Variants in TXNRD1 observed in about 807,000 individuals in gnomAD.
TXNRD1 encodes thioredoxin reductase 1, cytoplasmic.
Under a neutral mutation model 80.3 loss-of-function variants are expected in TXNRD1, and 57 were observed. That is an observed-to-expected ratio of 0.71 (90% CI 0.57 to 0.89). The LOEUF is 0.89. Among genes scored for constraint, TXNRD1 ranks in the 40% least tolerant of loss-of-function variants. TXNRD1 has a pLI of 0.00. For synonymous variants in TXNRD1, 291 were observed against 285.2 expected (o/e 1.02, Z -0.20); for missense variants, 730 against 803.0 (o/e 0.91, Z 1.10).
intron 13 of TXNRD1, among the ~76,000 whole-genome samples, 179 bp from the exon 14 acceptor site, chr12:104,331,355 A>G (rs920232452): frequency 2.6e-5 from 4 of 152,218 alleles, no homozygotes; most frequent in Admixed American, 2.6e-4. Context: ...AACTTTTCAA[A>G]TAAGTTAATG....
At chr12:104,264,568 A>G (rs1298292842) in intron 3 of TXNRD1, among the ~76,000 whole-genome samples, 3 of 152,112 alleles carry the variant, frequency 2.0e-5, no homozygotes, top group Non-Finnish European at 2.9e-5. Context: ...AAAAAATCAC[A>G]TATAATTGCA....
At chr12:104,249,882 G>GCCGAGAT (rs2033078330) in intron 1 of TXNRD1, among the ~76,000 whole-genome samples, 1 of 143,090 alleles carries the variant, frequency 7.0e-6, no homozygotes, top group Non-Finnish European at 1.5e-5. Flanking sequence ...TTGCAGTGAG[G>GCCGAGAT]CCGAGATCGT....
chr12:104,303,962 G>A (rs1424943086), intron 4 of TXNRD1: 2 of 1,602,340 alleles, frequency 1.2e-6, no homozygotes, highest in East Asian at 2.2e-5. Flanking sequence ...AGTGAGGGCC[G>A]CGGGCTGCTC....
chr12:104,270,785 G>T (rs1218510829), intron 3 of TXNRD1, among the ~76,000 whole-genome samples: 1 of 152,010 alleles, frequency 6.6e-6, no homozygotes, highest in East Asian at 1.9e-4. Context: ...ATTGAATCCT[G>T]TCAAGCAGAG....
At chr12:104,287,173 ACGGCCTGC>A in intron 3 of TXNRD1, 1 of 1,571,026 alleles carries the variant, frequency 6.4e-7, no homozygotes, top group Non-Finnish European at 8.6e-7. Context: ...CACGCGGGGG[ACGGCCTGC>A]CGGCGGGGAC....
At chr12:104,266,676 C>A (rs1005299200) in intron 3 of TXNRD1, among the ~76,000 whole-genome samples, 8 of 150,194 alleles carry the variant, frequency 5.3e-5, no homozygotes, top group Non-Finnish European at 8.9e-5. Context: ...ACTAAAAATA[C>A]AACAGGGCCG....
At chr12:104,309,519 A>G (rs944468556) in intron 4 of TXNRD1, among the ~76,000 whole-genome samples, 1 of 152,200 alleles carries the variant, frequency 6.6e-6, no homozygotes, top group Non-Finnish European at 1.5e-5. Context: ...TTTCATTTAG[A>G]CAGCCAGTTA....
intron 3 of TXNRD1, 194 bp from the exon 4 acceptor site, chr12:104,288,737 G>T: frequency 6.9e-7 from 1 of 1,450,340 alleles, no homozygotes; most frequent in Non-Finnish European, 9.1e-7. Context: ...ATTTGCCGGG[G>T]TCAGACTCCA....
chr12:104,276,296 G>T (rs531095959), intron 3 of TXNRD1, among the ~76,000 whole-genome samples: 1 of 152,320 alleles, frequency 6.6e-6, no homozygotes, highest in African/African-American at 2.4e-5. Flanking sequence ...TTATTCTTCT[G>T]AGGTTGCAGT....
chr12:104,334,893 CTA>C (rs537748696), intron 15 of TXNRD1, among the ~76,000 whole-genome samples: 118 of 152,190 alleles, frequency 7.8e-4, no homozygotes, highest in African/African-American at 2.7e-3. Flanking sequence ...TGAGAACTGT[CTA>C]TGTTTGTGTT....
intron 4 of TXNRD1, chr12:104,305,137 C>T: frequency 1.9e-6 from 1 of 514,108 alleles, no homozygotes; most frequent in Admixed American, 4.0e-5. Flanking sequence ...AATTCACTGG[C>T]ATATTTATGG....
At chr12:104,333,555 A>G (rs1388000730) in intron 14 of TXNRD1, among the ~76,000 whole-genome samples, 1 of 152,186 alleles carries the variant, frequency 6.6e-6, no homozygotes, top group Admixed American at 6.5e-5. Context: ...TTATCACAAC[A>G]TCGAAGAACA....
chr12:104,345,931 C>T (rs891326192), intron 16 of TXNRD1: 7 of 1,285,138 alleles, frequency 5.4e-6, no homozygotes, highest in Admixed American at 2.3e-5. Flanking sequence ...GGAGGCTGCC[C>T]CTTCTGCTCA....
intron 8 of TXNRD1, 83 bp downstream of exon 8, chr12:104,319,138 A>G: frequency 1.4e-6 from 2 of 1,464,690 alleles, no homozygotes; most frequent in South Asian, 1.4e-5. Flanking sequence ...TTAAAGTATT[A>G]TAATAAAAGT....
At chr12:104,273,111 G>C (rs2033687083) in intron 3 of TXNRD1, among the ~76,000 whole-genome samples, 1 of 152,210 alleles carries the variant, frequency 6.6e-6, no homozygotes, top group Admixed American at 6.5e-5. Context: ...TCCTGATCAA[G>C]AGGAATAAGC....
chr12:104,235,606 A>T (rs1000309998), intron 1 of TXNRD1, among the ~76,000 whole-genome samples: 3 of 152,194 alleles, frequency 2.0e-5, no homozygotes, highest in Middle Eastern at 3.2e-3. Context: ...TATTCTCTGT[A>T]AATTTATAGT....
intron 2 of TXNRD1, among the ~76,000 whole-genome samples, chr12:104,256,971 C>CTTT (rs1437158062): frequency 2.2e-5 from 2 of 89,894 alleles, no homozygotes; most frequent in African/African-American, 8.4e-5. Flanking sequence ...AATATATTTT[C>CTTT]TTTTCTTTTT....
chr12:104,304,473 C>T (rs763000507), intron 4 of TXNRD1: 3 of 1,613,972 alleles, frequency 1.9e-6, no homozygotes, highest in African/African-American at 2.7e-5. Flanking sequence ...CTAGAACGTT[C>T]TGCACCAAAG....
At chr12:104,333,260 A>G (rs2036021655) in intron 14 of TXNRD1, among the ~76,000 whole-genome samples, 1 of 151,996 alleles carries the variant, frequency 6.6e-6, no homozygotes, top group African/African-American at 2.4e-5. Context: ...ACATACATAT[A>G]TAATTAAAAT....
Sources: allele counts gnomAD v4.1 joint callset (sites outside exome capture counted in the v4.1 genomes callset), GRCh38; gene constraint gnomAD v4.1.1; transcripts MANE v1.5; gene names NCBI Gene and HGNC (gene_info 2026-07-23, HGNC 2026-07-21).